The following SARNP variants were observed in gnomAD, a reference collection of about 807,000 sequenced individuals.
SARNP encodes SAP domain-containing ribonucleoprotein.
A neutral mutation model predicts 38.1 loss-of-function variants in SARNP; 5 were observed. The ratio of observed to expected loss-of-function variants is 0.13; its 90% CI spans 0.07 to 0.28. The LOEUF is 0.28. Among genes scored for constraint, SARNP ranks in the 10% least tolerant of loss-of-function variants. The probability of loss-of-function intolerance (pLI) is 1.00; values close to 1 mark genes in which losing one functional copy is unlikely to be tolerated. For missense variants in SARNP, 180 were observed against 243.9 expected (o/e 0.74, Z 1.75); for synonymous variants, 84 against 80.6 (o/e 1.04, Z -0.23).
intron 1 of SARNP, among the ~76,000 whole-genome samples, chr12:55,816,492 A>C (rs1880489572): frequency 6.6e-6 from 1 of 152,228 alleles, no homozygotes; most frequent in Non-Finnish European, 1.5e-5. Flanking sequence ...AAGAGTAAGA[A>C]AAACATCAGT....
chr12:55,813,793 C>T (rs1335221245), intron 1 of SARNP, among the ~76,000 whole-genome samples: 1 of 152,150 alleles, frequency 6.6e-6, no homozygotes, highest in Non-Finnish European at 1.5e-5. Flanking sequence ...ATCCGCCTGC[C>T]TCGGCCTCCC....
chr12:55,792,991 T>TA (rs1879718149), intron 7 of SARNP: 5 of 152,146 alleles, frequency 3.3e-5, no homozygotes, highest in Admixed American at 2.6e-4. Flanking sequence ...AGCCGTTTCT[T>TA]AAAAATAATA....
intron 10 of SARNP, among the ~76,000 whole-genome samples, chr12:55,758,077 A>T (rs930390558): frequency 6.6e-6 from 1 of 152,152 alleles, no homozygotes; most frequent in African/African-American, 2.4e-5. Flanking sequence ...TGCCAACAGA[A>T]CGAATAGGGA....
At chr12:55,817,293 C>T (rs982887933) in intron 1 of SARNP, among the ~76,000 whole-genome samples, 3 of 152,102 alleles carry the variant, frequency 2.0e-5, no homozygotes, top group Non-Finnish European at 4.4e-5. Flanking sequence ...GAAACATCAT[C>T]CCAGGGAAGA....
intron 9 of SARNP, among the ~76,000 whole-genome samples, chr12:55,763,876 T>C (rs539517839): frequency 6.6e-6 from 1 of 152,324 alleles, no homozygotes; most frequent in Non-Finnish European, 1.5e-5. Context: ...AATACGAGGA[T>C]TGGAATCCAG....
At chr12:55,812,605 A>G (rs1880359785) in intron 1 of SARNP, among the ~76,000 whole-genome samples, 1 of 152,182 alleles carries the variant, frequency 6.6e-6, no homozygotes, top group Non-Finnish European at 1.5e-5. Flanking sequence ...TAAGCCTCAA[A>G]ATGAACTTAC....
intron 7 of SARNP, among the ~76,000 whole-genome samples, chr12:55,791,730 A>T (rs899908943): frequency 9.9e-5 from 15 of 152,032 alleles, no homozygotes; most frequent in Admixed American, 2.6e-4. Context: ...AAAAAAAGAA[A>T]TTATGGCTCC....
chr12:55,811,691 T>G (rs1880333067), intron 1 of SARNP, among the ~76,000 whole-genome samples: 1 of 152,210 alleles, frequency 6.6e-6, no homozygotes, highest in Non-Finnish European at 1.5e-5. Context: ...GTCTTGGCAC[T>G]TCTTTCTTTC....
intron 9 of SARNP, among the ~76,000 whole-genome samples, chr12:55,777,066 T>C (rs1002106533): frequency 1.3e-5 from 2 of 152,158 alleles, no homozygotes; most frequent in Admixed American, 6.5e-5. Context: ...GACGAAGGAA[T>C]GCAAAGACAT....
In SARNP at chr12:55,757,583, T is replaced by C. The variant is rs186477742; in HGVS notation, c.592-30A>G. The C allele has an allele frequency of 5.5e-5, 87 of 1,591,862 alleles. No homozygotes were observed. The African/African-American group carries it at 9.9e-4, about 18-fold the overall frequency. On this transcript the variant is annotated intron_variant, in intron 10 of 10. Coordinates refer to ENST00000336133, the MANE Select transcript of SARNP (RefSeq NM_033082.4). ...AAAGAAGAAGCAAGAAGAAAAAAAT[T>C]AGACTGAAGACAATAGTTGCCTGGG...
intron 9 of SARNP, among the ~76,000 whole-genome samples, chr12:55,778,746 C>T (rs570673421): frequency 6.6e-6 from 1 of 152,148 alleles, no homozygotes; most frequent in African/African-American, 2.4e-5. Flanking sequence ...CTGAGGCTGG[C>T]GGATCACAAG....
intron 1 of SARNP, among the ~76,000 whole-genome samples, chr12:55,810,652 CA>C (rs1156687273): frequency 1.3e-5 from 2 of 151,790 alleles, no homozygotes; most frequent in Non-Finnish European, 2.9e-5. Context: ...GGGATTTCAC[CA>C]TGTTGGTCAG....
intron 1 of SARNP, among the ~76,000 whole-genome samples, chr12:55,809,461 A>C (rs1354813604): frequency 6.6e-6 from 1 of 151,666 alleles, no homozygotes; most frequent in Non-Finnish European, 1.5e-5. Flanking sequence ...AAATAAACAA[A>C]AAAAACCAGC....
intron 9 of SARNP, 38 bp from the exon 10 acceptor site, chr12:55,760,678 C>A (rs751374481): frequency 7.5e-7 from 1 of 1,336,468 alleles, no homozygotes; most frequent in Non-Finnish European, 1.1e-6. Flanking sequence ...AACAAACTAG[C>A]CTCCATTCAC....
chr12:55,769,402 A>AT (rs1202624185), intron 9 of SARNP, among the ~76,000 whole-genome samples: 4 of 152,230 alleles, frequency 2.6e-5, no homozygotes, highest in Non-Finnish European at 4.4e-5. Flanking sequence ...AAGTTACTAT[A>AT]AAGGTGTATA....
At chr12:55,798,464 C>T (rs1879882023) in intron 4 of SARNP, among the ~76,000 whole-genome samples, 1 of 152,190 alleles carries the variant, frequency 6.6e-6, no homozygotes, top group African/African-American at 2.4e-5. Flanking sequence ...TGCCACTGCA[C>T]TCCAGCCTGG....
At chr12:55,765,928 C>T (rs1878817261) in intron 9 of SARNP, among the ~76,000 whole-genome samples, 1 of 152,104 alleles carries the variant, frequency 6.6e-6, no homozygotes, top group African/African-American at 2.4e-5. Context: ...GACGGTGTTG[C>T]ATGGAAACAA....
intron 8 of SARNP, 65 bp downstream of exon 8, chr12:55,790,502 G>A (rs1879633291): frequency 1.3e-6 from 2 of 1,486,874 alleles, no homozygotes; most frequent in South Asian, 1.3e-5. Flanking sequence ...GGGAGGAGGA[G>A]TCTCTAAAGT....
In SARNP at chr12:55,767,383, C is replaced by CA. The variant is rs762337868; in HGVS notation, c.502-6744dup. On this transcript the variant is annotated intron_variant, in intron 9 of 10. Transcript: ENST00000336133. ...CAACATAGTGAGACCCCATCTCTAC[C>CA]AAAAAAAAAAAAAAATTTAGCTGGG... Among the ~76,000 whole-genome samples the CA allele has an allele frequency of 5.6e-3, 730 of 130,980 alleles. 6 individuals carry two copies. The highest frequency in any genetic ancestry group is 7.7e-3 in the African/African-American group (275 of 35,504). The allele number at this position is 130,980 out of a possible 152,430, so 85.9% of individuals were successfully genotyped here. A position where few individuals can be genotyped will look rare whatever the true frequency, so the allele number is the denominator to read the frequency against.
Sources: gnomAD v4.1 joint callset for allele counts (sites outside exome capture counted in the v4.1 genomes callset) on GRCh38, gnomAD v4.1.1 for gene constraint, MANE v1.5 for transcripts, NCBI Gene and HGNC (gene_info 2026-07-23, HGNC 2026-07-21) for gene names.